The following CCL1 variants were observed in gnomAD, a reference collection of about 807,000 sequenced individuals.
CCL1 encodes C-C motif chemokine ligand 1, also known as C-C motif chemokine 1.
In CCL1, 9 loss-of-function variants were observed where a neutral mutation model predicts 7.5. The observed-to-expected ratio is 1.20, with a 90% CI of 0.72 to 2.09. The LOEUF is 2.09. Among genes scored for constraint, CCL1 ranks in the 30% most tolerant of loss-of-function variants. CCL1 has a pLI of 0.00. For missense variants in CCL1, 110 were observed against 113.7 expected (o/e 0.97, Z 0.15); for synonymous variants, 48 against 44.7 (o/e 1.07, Z -0.30).
chr17:34,362,431 A>C (rs1213555350), intron 1 of CCL1, among the ~76,000 whole-genome samples: 1 of 152,076 alleles, frequency 6.6e-6, no homozygotes. Context: ...TGCCCTACTC[A>C]GTCTCTTGAA....
rs997804853 is a variant in CCL1, at chr17:34,361,969, CAA to C, written c.77-75_77-74del. On this transcript the variant is annotated intron_variant, in intron 1 of 2. Transcript: ENST00000225842. ...CACCTGTAGCACAATTTTTAAAAAACAAACAAAAAAACGCCTCCCAGGACAAG... is the reference window on the plus strand; with the variant it reads ...CACCTGTAGCACAATTTTTAAAAAACACAAAAAAACGCCTCCCAGGACAAG... 5 of 945,344 alleles carry C rather than the reference CAA, an allele frequency of 5.3e-6. No individual in the cohort carries two copies. In the African/African-American group the frequency reaches 8.3e-5, roughly 16 times the overall value. The allele number at this position is 945,344 out of a possible 1,614,324, so 58.6% of individuals were successfully genotyped here.
intron 1 of CCL1, 72 bp from the exon 2 acceptor site, chr17:34,361,968 A>T (rs1285857553): frequency 1.8e-6 from 2 of 1,109,532 alleles, no homozygotes; most frequent in Non-Finnish European, 2.7e-6. Flanking sequence ...TTTTTAAAAA[A>T]CAAACAAAAA....
chr17:34,360,845 C>A (rs1037061639), intron 2 of CCL1, among the ~76,000 whole-genome samples, 184 bp from the exon 3 acceptor site: 1 of 152,094 alleles, frequency 6.6e-6, no homozygotes, highest in African/African-American at 2.4e-5. Context: ...ACAGCCAAAG[C>A]ACCAGGAGCT....
In CCL1 at chr17:34,363,173, T is replaced by C; in HGVS notation, c.-12A>G. On this transcript the variant is annotated 5_prime_UTR_variant, in exon 1 of 3. Coordinates refer to ENST00000225842, the MANE Select transcript of CCL1 (RefSeq NM_002981.2). ...GTGATGATCTGCATGTCTTCTGGTC[T>C]GGCTTGGGCCTTCCTGGAGCAGCTT... The C allele has an allele frequency of 6.2e-7, 1 of 1,613,644 alleles. No homozygotes were observed. The highest frequency in any genetic ancestry group is 8.5e-7 in the Non-Finnish European group (1 of 1,179,928).
intron 2 of CCL1, 148 bp downstream of exon 2, chr17:34,361,637 G>A (rs1249909492): frequency 5.0e-6 from 3 of 604,640 alleles, no homozygotes; most frequent in East Asian, 2.6e-5. Context: ...TCCCTCTAGC[G>A]CCCAAGTGTG....
At chr17:34,360,713 TG>T in intron 2 of CCL1, 52 bp from the exon 3 acceptor site, 1 of 1,419,950 alleles carries the variant, frequency 7.0e-7, no homozygotes. Flanking sequence ...CACCACTGGG[TG>T]GGCAACGCAC....
intron 2 of CCL1, among the ~76,000 whole-genome samples, chr17:34,361,569 C>T (rs1279723336): frequency 6.6e-6 from 1 of 152,244 alleles, no homozygotes; most frequent in Non-Finnish European, 1.5e-5. Flanking sequence ...TCAGGAAACA[C>T]AAGCCACTGC....
chr17:34,361,685 C>A, intron 2 of CCL1, 100 bp downstream of exon 2: 2 of 850,948 alleles, frequency 2.4e-6, no homozygotes, highest in Non-Finnish European at 3.9e-6. Context: ...GGTTTAGAAA[C>A]CTTATTCTGG....
In CCL1 at chr17:34,360,640, T is replaced by C; in HGVS notation, c.210A>G (p.Lys70=). 6.2e-7 allele frequency: 1 copy of C among 1,613,192 alleles called. No individual in the cohort carries two copies. Among genetic ancestry groups the C allele is most frequent in the African/African-American group, 1.3e-5 (1 of 74,970 alleles). Residue 70 remains lysine (K), a synonymous_variant, in exon 3 of 3, where the codon AAA becomes AAG. Transcript: ENST00000225842. The part of the protein sequence containing the change: ...EGLIFKLKRG[K]EACALDTVGW... ...CAACTGTGTCCAAGGCGCAGGCCTC[T>C]TTGCCTCTCTTCAGCTTGAATCTGT... is the stretch of plus-strand genomic sequence containing the variant.
chr17:34,363,021 C>T, intron 1 of CCL1, 65 bp downstream of exon 1: 2 of 1,479,568 alleles, frequency 1.4e-6, no homozygotes, highest in South Asian at 2.3e-5. Context: ...TGCTCCAACC[C>T]CAGAGTGGCT....
intron 1 of CCL1, among the ~76,000 whole-genome samples, chr17:34,362,151 C>T (rs944516442): frequency 6.6e-6 from 1 of 152,164 alleles, no homozygotes; most frequent in Non-Finnish European, 1.5e-5. Flanking sequence ...TGCCTTCACC[C>T]TGGCCCCAGA....
Position 34,360,405 on chromosome 17 carries a change from T to G in CCL1, c.*154A>C. 3.2e-6 allele frequency: 2 copies of G among 623,126 alleles called. No individual in the cohort carries two copies. Among genetic ancestry groups the G allele is most frequent in the Non-Finnish European group, 5.8e-6 (2 of 346,658 alleles). 38.6% of individuals were successfully genotyped at this position (623,126 alleles called of 1,614,324 possible). On this transcript the variant is annotated 3_prime_UTR_variant, in exon 3 of 3. Coordinates refer to ENST00000225842, the MANE Select transcript of CCL1 (RefSeq NM_002981.2). ...GTTGGGGGTTGATGATTGTATAATTTAAATGTTTAAAGTGCAACAACATAG... is the reference window on the plus strand; with the variant it reads ...GTTGGGGGTTGATGATTGTATAATTGAAATGTTTAAAGTGCAACAACATAG...
intron 2 of CCL1, 62 bp downstream of exon 2, chr17:34,361,723 T>C: frequency 9.0e-7 from 1 of 1,112,804 alleles, no homozygotes; most frequent in Non-Finnish European, 1.4e-6. Flanking sequence ...GTGTCTACTC[T>C]TGTAATTCCA....
intron 2 of CCL1, 144 bp from the exon 3 acceptor site, chr17:34,360,805 G>A: frequency 1.5e-6 from 1 of 654,382 alleles, no homozygotes; most frequent in Non-Finnish European, 2.7e-6. Context: ...TGAAGTTGCT[G>A]CACAGGATGT....
chr17:34,361,928 C>A, intron 1 of CCL1, 32 bp from the exon 2 acceptor site: 9 of 1,448,112 alleles, frequency 6.2e-6, no homozygotes, highest in Non-Finnish European at 8.7e-6. Context: ...TGGTTTGCAT[C>A]CATTTCTCAA....
rs1459163830 is a variant in CCL1, at chr17:34,361,971, AACAAAAAAACGCCTCCCAGG to A, written c.77-95_77-76del. 5.9e-6 allele frequency: 6 copies of A among 1,014,824 alleles called. No individual in the cohort carries two copies. The East Asian group carries it at 1.5e-4, about 25-fold the overall frequency. The allele number at this position is 1,014,824 out of a possible 1,614,324, so 62.9% of individuals were successfully genotyped here. A position where few individuals can be genotyped will look rare whatever the true frequency, so the allele number is the denominator to read the frequency against. On this transcript the variant is annotated intron_variant, in intron 1 of 2. Coordinates refer to ENST00000225842, the MANE Select transcript of CCL1 (RefSeq NM_002981.2). ...CCTGTAGCACAATTTTTAAAAAACA[AACAAAAAAACGCCTCCCAGG>A]ACAAGCCCTGGCTTGGGGACCACAT...
rs1016105924 is a variant in CCL1 at position 34,362,965 on chromosome 17, T to C, written c.76+121A>G. Reference sequence around the variant, plus strand: ...GTCCAAGTTCACCATTCCTCCTCTTTAGGTAGGAAGAGGGGAGATAGAGTT... The same window carrying C: ...GTCCAAGTTCACCATTCCTCCTCTTCAGGTAGGAAGAGGGGAGATAGAGTT... On this transcript the variant is annotated intron_variant, in intron 1 of 2. Transcript: ENST00000225842. 7 of 851,304 alleles carry C rather than the reference T, an allele frequency of 8.2e-6. No homozygotes were observed. In the African/African-American group the frequency reaches 8.3e-5, roughly 10 times the overall value. The allele number at this position is 851,304 out of a possible 1,614,324, so 52.7% of individuals were successfully genotyped here.
chr17:34,362,109 C>T (rs541271505), intron 1 of CCL1, among the ~76,000 whole-genome samples: 14 of 152,278 alleles, frequency 9.2e-5, no homozygotes, highest in African/African-American at 2.4e-4. Flanking sequence ...CTGAGCTCCC[C>T]GCACCCCAGC....
intron 2 of CCL1, among the ~76,000 whole-genome samples, chr17:34,360,865 A>T (rs1442727615): frequency 6.6e-6 from 1 of 152,010 alleles, no homozygotes; most frequent in African/African-American, 2.4e-5. Flanking sequence ...TTATGAATTG[A>T]ATTTCCTGGA....
Sources: gnomAD v4.1 joint callset for allele counts (sites outside exome capture counted in the v4.1 genomes callset) on GRCh38, gnomAD v4.1.1 for gene constraint, MANE v1.5 for transcripts, NCBI Gene and HGNC (gene_info 2026-07-23, HGNC 2026-07-21) for gene names.